The following ADGRD1 variants were observed in gnomAD, a reference collection of about 807,000 sequenced individuals.
ADGRD1 encodes the protein adhesion G protein-coupled receptor D1.
ADGRD1 carries 77 observed loss-of-function variants against 113.4 expected under a neutral mutation model. The observed-to-expected ratio is 0.68, with a 90% CI of 0.57 to 0.82. The LOEUF is 0.82. Among genes scored for constraint, ADGRD1 ranks in the 40% least tolerant of loss-of-function variants. The pLI is 0.00. For synonymous variants in ADGRD1, 474 were observed against 475.0 expected (o/e 1.00, Z 0.03); for missense variants, 1,036 against 1,139.1 (o/e 0.91, Z 1.30).
chr12:130,973,289 G>C (rs902871983), intron 4 of ADGRD1: 1 of 152,256 alleles, frequency 6.6e-6, no homozygotes, highest in Non-Finnish European at 1.5e-5. Context: ...TGTTTGTGGG[G>C]ATCTTGGGCA....
At chr12:131,047,528 A>C (rs1882964539) in intron 13 of ADGRD1, among the ~76,000 whole-genome samples, 1 of 152,134 alleles carries the variant, frequency 6.6e-6, no homozygotes, top group African/African-American at 2.4e-5. Context: ...TGGTGAGAGG[A>C]GCCATAGAGG....
chr12:131,131,964 C>G, intron 21 of ADGRD1, 148 bp downstream of exon 21: 1 of 646,054 alleles, frequency 1.5e-6, no homozygotes, highest in East Asian at 2.8e-5. Context: ...CTCAGGGCAG[C>G]TCTGGTTTCA....
intron 8 of ADGRD1, among the ~76,000 whole-genome samples, chr12:130,997,616 CAG>C (rs1156760210): frequency 1.3e-5 from 2 of 151,810 alleles, no homozygotes; most frequent in Non-Finnish European, 1.5e-5. Flanking sequence ...GGCGGCCGGG[CAG>C]AGACACTCCT....
rs1200854495 is a variant in ADGRD1, at chr12:131,075,629, G to A, written c.1474-1172G>A. On this transcript the variant is annotated intron_variant, in intron 13 of 24. Transcript: ENST00000261654. This position sits in a 1 kb window ranked among gnomAD's most constrained non-coding sequence, Gnocchi z 5.3. ...GGAGGAGCTGTCAGACAGATGCTGC[G>A]ATGATAGCCCTGTGAGTCCTTTGGT... Among the ~76,000 whole-genome samples the A allele has an allele frequency of 6.6e-6, 1 of 151,766 alleles. No homozygotes were observed. Among genetic ancestry groups the A allele is most frequent in the Non-Finnish European group, 1.5e-5 (1 of 68,026 alleles).
At chr12:130,967,018 C>T (rs537219044) in intron 3 of ADGRD1, 37 of 455,696 alleles carry the variant, frequency 8.1e-5, no homozygotes, top group African/African-American at 7.2e-4. Flanking sequence ...TTTTCCCCAA[C>T]AATCTTGAAA....
chr12:131,023,803 C>T (rs1879616017), intron 13 of ADGRD1: 1 of 152,214 alleles, frequency 6.6e-6, no homozygotes, highest in African/African-American at 2.4e-5. Flanking sequence ...GGTCCAGCCT[C>T]TGTTCTGGAA....
chr12:130,973,023 G>A (rs928072809), intron 4 of ADGRD1: 3 of 152,138 alleles, frequency 2.0e-5, no homozygotes, highest in Admixed American at 6.5e-5. Context: ...GACGGGCATC[G>A]GGTTAAAATT....
intron 2 of ADGRD1, among the ~76,000 whole-genome samples, chr12:130,963,255 G>A (rs1265472646): frequency 6.8e-6 from 1 of 148,108 alleles, no homozygotes; most frequent in Non-Finnish European, 1.5e-5. Flanking sequence ...GGGAGGCGGA[G>A]CTTGCAGTGA....
chr12:131,016,848 G>C (rs921260793), intron 13 of ADGRD1, among the ~76,000 whole-genome samples: 14 of 152,086 alleles, frequency 9.2e-5, no homozygotes, highest in Non-Finnish European at 2.1e-4. Flanking sequence ...AGCAGAGATC[G>C]GGCCAGTGCG....
At chr12:131,005,716 C>CT (rs1877009351) in intron 11 of ADGRD1, among the ~76,000 whole-genome samples, 1 of 152,166 alleles carries the variant, frequency 6.6e-6, no homozygotes, top group African/African-American at 2.4e-5. Flanking sequence ...GTGAGCCTGG[C>CT]CCTCCCTGGG....
intron 13 of ADGRD1, chr12:131,035,459 G>C (rs548236764): frequency 6.6e-6 from 1 of 152,270 alleles, no homozygotes; most frequent in African/African-American, 2.4e-5. Flanking sequence ...GTCACGCCCC[G>C]AGGGGCCCGG....
Position 131,060,764 on chromosome 12 carries a change from A to T in ADGRD1, c.1474-16037A>T, listed in dbSNP as rs1259507534. Among the ~76,000 whole-genome samples, 1 of 152,088 alleles carries T rather than the reference A, an allele frequency of 6.6e-6. No homozygotes were observed. Among genetic ancestry groups the T allele is most frequent in the South Asian group, 2.1e-4 (1 of 4,818 alleles). On this transcript the variant is annotated intron_variant, in intron 13 of 24. Coordinates refer to ENST00000261654, the MANE Select transcript of ADGRD1 (RefSeq NM_198827.5). This position sits in a 1 kb window ranked among gnomAD's most constrained non-coding sequence, Gnocchi z 4.4. ...GATTCTTTTGATCAAAAACTTTGGG[A>T]TGCGGAATGTAAAATCACTTATGAT...
chr12:131,083,944 T>A (rs1489170517), intron 14 of ADGRD1, among the ~76,000 whole-genome samples: 1 of 152,326 alleles, frequency 6.6e-6, no homozygotes, highest in South Asian at 2.1e-4. Context: ...TCGTGGGAAG[T>A]GTGTGGTGCT....
chr12:130,991,919 G>A (rs1194066085), intron 7 of ADGRD1, among the ~76,000 whole-genome samples: 3 of 152,048 alleles, frequency 2.0e-5, no homozygotes, highest in Non-Finnish European at 2.9e-5. Context: ...TCCGGAGCTC[G>A]AGACCAGCCT....
At chr12:131,102,740 A>T (rs190784461) in intron 15 of ADGRD1, among the ~76,000 whole-genome samples, 21 of 152,302 alleles carry the variant, frequency 1.4e-4, no homozygotes, top group African/African-American at 5.1e-4. Flanking sequence ...CATGGCTGTG[A>T]TTCCCAGGGG....
chr12:131,023,899 G>A (rs1879632967), intron 13 of ADGRD1: 1 of 152,222 alleles, frequency 6.6e-6, no homozygotes, highest in African/African-American at 2.4e-5. Context: ...GCAATGAAGT[G>A]ACAAACAGCA....
chr12:131,063,515 G>GAA (rs35147621), intron 13 of ADGRD1, among the ~76,000 whole-genome samples: 1 of 152,022 alleles, frequency 6.6e-6, no homozygotes, highest in African/African-American at 2.4e-5. Context: ...TGTTGAGGGG[G>GAA]AAAAAAACTC....
At chr12:131,079,453 GTTTTC>G (rs1163958178) in intron 14 of ADGRD1, among the ~76,000 whole-genome samples, 1 of 152,122 alleles carries the variant, frequency 6.6e-6, no homozygotes, top group African/African-American at 2.4e-5. Context: ...TTGGTCTGCA[GTTTTC>G]TTTTTTTGGT....
chr12:131,137,642 A>G (rs903806919), intron 23 of ADGRD1: 4 of 217,786 alleles, frequency 1.8e-5, no homozygotes, highest in Non-Finnish European at 2.8e-5. Context: ...TTGCAAGGAC[A>G]GGCCAGGTGG....
Sources: allele counts gnomAD v4.1 joint callset (sites outside exome capture counted in the v4.1 genomes callset), GRCh38; gene constraint gnomAD v4.1.1; non-coding constraint Gnocchi (gnomAD v3.1); transcripts MANE v1.5; gene names NCBI Gene and HGNC (gene_info 2026-07-23, HGNC 2026-07-21).